ECPAS: variants seen among roughly 807,000 people sequenced by gnomAD.
ECPAS encodes the protein Ecm29 proteasome adaptor and scaffold, also known as proteasome adapter and scaffold protein ECM29.
A neutral mutation model predicts 255.1 loss-of-function variants in ECPAS; 70 were observed. The ratio of observed to expected loss-of-function variants is 0.27; its 90% CI spans 0.23 to 0.33. The LOEUF is 0.33. Among genes scored for constraint, ECPAS ranks in the 10% least tolerant of loss-of-function variants. The pLI is 1.00. For synonymous variants in ECPAS, 784 were observed against 775.0 expected (o/e 1.01, Z -0.19); for missense variants, 1,817 against 2,206.4 (o/e 0.82, Z 3.54).
chr9:111,408,011 G>A (rs987041460), intron 24 of ECPAS, among the ~76,000 whole-genome samples: 20 of 152,212 alleles, frequency 1.3e-4, no homozygotes, highest in African/African-American at 4.6e-4. Flanking sequence ...GCAACAAGCC[G>A]AGAAGGAAGT....
At chr9:111,399,833 A>G (rs2098173038) in intron 24 of ECPAS, among the ~76,000 whole-genome samples, 1 of 152,254 alleles carries the variant, frequency 6.6e-6, no homozygotes, top group Admixed American at 6.5e-5. Context: ...GAACAACCTA[A>G]GTCCCAAGTC....
At chr9:111,390,149 C>G (rs568377812) in intron 29 of ECPAS, 48 bp from the exon 30 acceptor site, 8 of 1,148,324 alleles carry the variant, frequency 7.0e-6, no homozygotes, top group African/African-American at 4.6e-5. Flanking sequence ...TTCTCTCTCT[C>G]CAGCCTAAAA....
chr9:111,364,198 T>C (rs148963896), intron 48 of ECPAS, among the ~76,000 whole-genome samples: 61 of 152,288 alleles, frequency 4.0e-4, no homozygotes, highest in Non-Finnish European at 6.6e-4. Context: ...GTCTGGTTCA[T>C]GGTGAAATTG....
rs3837272 is a variant in ECPAS at position 111,362,176 on chromosome 9, G to GAAA, written c.5381-10_5381-8dup. ...CATTCCCACTGTTTAGATTCTGCATGAAAAAAAAAAAACAAAAACAAAAAA... is the reference window on the plus strand; with the variant it reads ...CATTCCCACTGTTTAGATTCTGCATGAAAAAAAAAAAAAAACAAAAACAAAAAA... On this transcript the variant is annotated splice_region_variant and splice_polypyrimidine_tract_variant and intron_variant, in intron 49 of 49. Coordinates refer to ENST00000684092, the MANE Select transcript of ECPAS (RefSeq NM_001364929.1). 76 of 1,188,308 alleles carry GAAA rather than the reference G, an allele frequency of 6.4e-5. No homozygotes were observed. The highest frequency in any genetic ancestry group is 2.3e-4 in the South Asian group (13 of 56,956). The allele number at this position is 1,188,308 out of a possible 1,614,324, so 73.6% of individuals were successfully genotyped here.
chr9:111,416,327 A>G lies in ECPAS; in HGVS notation c.1709T>C (p.Val570Ala), dbSNP rs2098203476. The change falls in exon 18 of 50, where the codon GTC (valine) becomes GCC (alanine). Residue 570 changes from valine to alanine, a missense_variant. Physicochemically the swap from Val to Ala is moderately conservative, Grantham distance 64. This residue lies in a region of ECPAS where 573 missense variants were observed against 716.2 expected (regional missense o/e 0.80). Coordinates refer to ENST00000684092, the MANE Select transcript of ECPAS (RefSeq NM_001364929.1). ...EKASHRMKTP[V>A]KYMTGTTVLP... ...GACAGTGGTCCCGGTCATGTACTTGACTGGAGTTTTCATTCGATGAGAAGC... is the reference window on the plus strand; with the variant it reads ...GACAGTGGTCCCGGTCATGTACTTGGCTGGAGTTTTCATTCGATGAGAAGC... 1 of 1,613,722 alleles carries G rather than the reference A, an allele frequency of 6.2e-7. No individual in the cohort carries two copies. Among genetic ancestry groups the G allele is most frequent in the Non-Finnish European group, 8.5e-7 (1 of 1,179,710 alleles).
intron 2 of ECPAS, among the ~76,000 whole-genome samples, chr9:111,471,558 A>G (rs994219875): frequency 6.6e-6 from 1 of 152,216 alleles, no homozygotes; most frequent in Non-Finnish European, 1.5e-5. Flanking sequence ...TTTTGGATTG[A>G]AGCTACAAAA....
Position 111,373,520 on chromosome 9 carries a change from A to G in ECPAS, c.4178-114T>C, listed in dbSNP as rs924955617. The G allele has an allele frequency of 5.2e-6, 4 of 774,056 alleles. 1 individual carries two copies. In the Middle Eastern group the frequency reaches 7.1e-4, roughly 137 times the overall value. The allele number at this position is 774,056 out of a possible 1,614,324, so 47.9% of individuals were successfully genotyped here. On this transcript the variant is annotated intron_variant, in intron 39 of 49. Coordinates refer to ENST00000684092, the MANE Select transcript of ECPAS (RefSeq NM_001364929.1). The stretch of plus-strand genomic sequence containing the variant: ...ATTAACATCTGATTTACTCCACAGT[A>G]GTTTAGATTTCTGGATGTTATATTT...
intron 6 of ECPAS, among the ~76,000 whole-genome samples, chr9:111,438,100 G>A (rs371211970): frequency 1.2e-4 from 18 of 152,152 alleles, no homozygotes; most frequent in East Asian, 5.8e-4. Context: ...TTATATAAAT[G>A]ACCCAAGTTC....
At chr9:111,447,423 T>A (rs141411607) in intron 3 of ECPAS, among the ~76,000 whole-genome samples, 2 of 152,336 alleles carry the variant, frequency 1.3e-5, no homozygotes, top group Admixed American at 1.3e-4. Context: ...CTATTTTGAA[T>A]TTTAAATGGA....
At chr9:111,415,741 TTACA>T (rs2131751594) in intron 18 of ECPAS, among the ~76,000 whole-genome samples, 1 of 151,550 alleles carries the variant, frequency 6.6e-6, no homozygotes, top group African/African-American at 2.4e-5. Context: ...AAAACAACCC[TTACA>T]TAAACAGGCT....
chr9:111,444,416 C>T lies in ECPAS; in HGVS notation c.232G>A (p.Val78Ile). ...ACTGCAGCAGGGTCCTGGTACTGAA[C>T]CAACAGTGTCTCTACTGGAAGTTGT... ...KIQLPVETLLVQYQDPAAVSF... is the reference protein window; with the variant it reads ...KIQLPVETLLIQYQDPAAVSF... The change falls in exon 4 of 50, where the codon GTT (valine) becomes ATT (isoleucine). Residue 78 changes from valine to isoleucine, a missense_variant. Val to Ile is a conservative substitution (Grantham distance 29). Around this residue, in one of 4 missense-constraint regions of ECPAS, gnomAD observed 90 missense variants for 158.5 expected, o/e 0.57. Coordinates refer to ENST00000684092, the MANE Select transcript of ECPAS (RefSeq NM_001364929.1). 6 of 1,613,826 alleles carry T rather than the reference C, an allele frequency of 3.7e-6. No individual in the cohort carries two copies. The highest frequency in any genetic ancestry group is 2.2e-5 in the East Asian group (1 of 44,870).
intron 2 of ECPAS, among the ~76,000 whole-genome samples, chr9:111,467,519 A>G (rs993512816): frequency 6.6e-6 from 1 of 152,134 alleles, no homozygotes; most frequent in Non-Finnish European, 1.5e-5. Flanking sequence ...GGTTGCTTAA[A>G]TTTTCTACAA....
intron 43 of ECPAS, 75 bp from the exon 44 acceptor site, chr9:111,370,840 T>A (rs1345832898): frequency 5.1e-6 from 7 of 1,361,160 alleles, no homozygotes; most frequent in Non-Finnish European, 7.2e-6. Context: ...ATGATTACAA[T>A]TACCTTAGGA....
chr9:111,468,085 G>A (rs2098281687), intron 2 of ECPAS, among the ~76,000 whole-genome samples: 1 of 152,116 alleles, frequency 6.6e-6, no homozygotes, highest in Admixed American at 6.5e-5. Flanking sequence ...AGGAGGCAGA[G>A]GTTGCAGTGA....
At chr9:111,387,423 A>G (rs547692904) in intron 31 of ECPAS, among the ~76,000 whole-genome samples, 7 of 151,616 alleles carry the variant, frequency 4.6e-5, no homozygotes, top group Admixed American at 1.3e-4. Flanking sequence ...ACAGTGTCTC[A>G]CTCATCGTCA....
Position 111,413,973 on chromosome 9 carries a change from C to T in ECPAS, c.2001G>A (p.Met667Ile). The T allele has an allele frequency of 6.3e-7, 1 of 1,578,940 alleles. No homozygotes were observed. Among genetic ancestry groups the T allele is most frequent in the Non-Finnish European group, 8.6e-7 (1 of 1,161,496 alleles). Reference sequence around the variant, plus strand: ...CTGACACAGCTTCCAATAGACAGTACATAACCGGCAAACCTAAATAAGAAT... The same window carrying T: ...CTGACACAGCTTCCAATAGACAGTATATAACCGGCAAACCTAAATAAGAAT... The part of the protein sequence containing the change: ...LLAGVGGLPV[M>I]YCLLEAVSVY... The change falls in exon 20 of 50, where the codon ATG becomes ATA. Residue 667 changes from methionine to isoleucine, a missense_variant. Around this residue, in one of 4 missense-constraint regions of ECPAS, gnomAD observed 573 missense variants for 716.2 expected, o/e 0.80. Transcript: ENST00000684092.
chr9:111,440,153 T>G (rs777518323), intron 6 of ECPAS, among the ~76,000 whole-genome samples: 1 of 152,146 alleles, frequency 6.6e-6, no homozygotes, highest in East Asian at 1.9e-4. Context: ...AAGACTGATT[T>G]CATCTTAGGC....
chr9:111,425,440 T>C lies in ECPAS; in HGVS notation c.1193A>G (p.Lys398Arg). 2 of 1,597,180 alleles carry C rather than the reference T, an allele frequency of 1.3e-6. No homozygotes were observed. The highest frequency in any genetic ancestry group is 1.7e-6 in the Non-Finnish European group (2 of 1,173,388). The change falls in exon 12 of 50, where the codon AAG becomes AGG. Residue 398 changes from lysine to arginine, a missense_variant. Physicochemically the swap from Lys to Arg is conservative, Grantham distance 26. Around this residue, in one of 4 missense-constraint regions of ECPAS, gnomAD observed 573 missense variants for 716.2 expected, o/e 0.80. Coordinates refer to ENST00000684092, the MANE Select transcript of ECPAS (RefSeq NM_001364929.1). ...LGPMLLNGLT[K>R]LINEYKEDPK... ...TACCTCTTTGTATTCATTGATTAGCTTGGTGAGGCCATTCAAAAGCATTGG... is the reference window on the plus strand; with the variant it reads ...TACCTCTTTGTATTCATTGATTAGCCTGGTGAGGCCATTCAAAAGCATTGG...
At position 111,360,689 on chromosome 9, in the gene ECPAS, G is replaced by A. The variant is rs1420188242; in HGVS notation, c.*1341C>T. ...ATACACACACAAACACACATGTTCT[G>A]GGTCGTGATGTAAAAAGTTATTTTT... On this transcript the variant is annotated 3_prime_UTR_variant, in exon 50 of 50. Coordinates refer to ENST00000684092, the MANE Select transcript of ECPAS (RefSeq NM_001364929.1). 1 of 152,160 alleles carries A rather than the reference G, an allele frequency of 6.6e-6. No homozygotes were observed. The highest frequency in any genetic ancestry group is 6.5e-5 in the Admixed American group (1 of 15,272). The allele number at this position is 152,160 out of a possible 1,614,324, so 9.4% of individuals were successfully genotyped here. A position where few individuals can be genotyped will look rare whatever the true frequency, so the allele number is the denominator to read the frequency against.
Sources: gnomAD v4.1 joint callset for allele counts (sites outside exome capture counted in the v4.1 genomes callset) on GRCh38, gnomAD v4.1.1 for gene constraint, gnomAD v4.1.1 regional missense constraint, MANE v1.5 for transcripts, NCBI Gene and HGNC (gene_info 2026-07-23, HGNC 2026-07-21) for gene names.